The following ROBO2 variants were observed in gnomAD, a reference collection of about 807,000 sequenced individuals.
ROBO2 encodes the protein roundabout guidance receptor 2, also known as roundabout homolog 2.
In ROBO2, 53 loss-of-function variants were observed where a neutral mutation model predicts 160.8. That is an observed-to-expected ratio of 0.33 (90% CI 0.26 to 0.41). The LOEUF is 0.41. Among genes scored for constraint, ROBO2 ranks in the 10% least tolerant of loss-of-function variants. The pLI is 1.00. For missense variants in ROBO2, 1,577 were observed against 1,722.4 expected, an observed-to-expected ratio of 0.92 and a Z score of 1.49; for synonymous variants, 664 against 611.7, an observed-to-expected ratio of 1.09 and a Z score of -1.26.
At chr3:77,141,400 A>G (rs1192325325) in intron 2 of ROBO2, among the ~76,000 whole-genome samples, 1 of 151,990 alleles carries the variant, frequency 6.6e-6, no homozygotes, top group African/African-American at 2.4e-5. Context: ...CTTGAAGACC[A>G]TTGCTTTGCT....
At chr3:76,248,881 T>A (rs963665817) in intron 2 of ROBO2, among the ~76,000 whole-genome samples, 1 of 149,200 alleles carries the variant, frequency 6.7e-6, no homozygotes, top group Admixed American at 6.9e-5. Flanking sequence ...CTTACCTGAG[T>A]CTCTGCTGTT....
chr3:76,445,589 AAG>A (rs1362663389), intron 2 of ROBO2, among the ~76,000 whole-genome samples: 1 of 152,130 alleles, frequency 6.6e-6, no homozygotes, highest in Non-Finnish European at 1.5e-5. Flanking sequence ...ACAACGAAAA[AAG>A]AGAATTTTAG....
intron 2 of ROBO2, among the ~76,000 whole-genome samples, chr3:76,711,117 A>C (rs994421242): frequency 1.3e-5 from 2 of 152,180 alleles, no homozygotes; most frequent in African/African-American, 4.8e-5. Flanking sequence ...AATGCTATGT[A>C]AAACTACCCA....
At position 77,085,945 on chromosome 3, in the gene ROBO2, A is replaced by G. The variant is rs190687100; in HGVS notation, c.62-12069A>G. The stretch of plus-strand genomic sequence containing the variant: ...AGTCATGTTATTGTGCCCTCAATAA[A>G]GTTTATTTAATATCCCTTAGTTATC... On this transcript the variant is annotated intron_variant, in intron 1 of 25. Coordinates refer to ENST00000461745, the Ensembl canonical transcript of ROBO2. Among the ~76,000 whole-genome samples the G allele has an allele frequency of 2.2e-3, 328 of 152,236 alleles. 1 individual carries two copies. Among genetic ancestry groups the G allele is most frequent in the African/African-American group, 7.3e-3 (303 of 41,570 alleles).
intron 2 of ROBO2, among the ~76,000 whole-genome samples, chr3:77,232,847 G>A (rs535854331): frequency 9.2e-5 from 14 of 152,220 alleles, no homozygotes; most frequent in African/African-American, 3.4e-4. Flanking sequence ...CTAACATCTA[G>A]TGCAGTGCTC....
intron 2 of ROBO2, among the ~76,000 whole-genome samples, chr3:76,928,133 A>G (rs759405163): frequency 4.6e-5 from 7 of 152,112 alleles, no homozygotes; most frequent in Non-Finnish European, 8.8e-5. Context: ...GGAGAGGGAG[A>G]TAGAATACAG....
intron 2 of ROBO2, among the ~76,000 whole-genome samples, chr3:76,609,058 A>G (rs1160106497): frequency 1.3e-5 from 2 of 152,196 alleles, no homozygotes; most frequent in Non-Finnish European, 2.9e-5. Flanking sequence ...ATGCTACTTC[A>G]CTTAGATAAA....
At chr3:76,616,854 G>T (rs933477192) in intron 2 of ROBO2, among the ~76,000 whole-genome samples, 24 of 151,988 alleles carry the variant, frequency 1.6e-4, no homozygotes, top group African/African-American at 5.3e-4. Flanking sequence ...TCAAACTCCG[G>T]GGCCCAAGTG....
intron 2 of ROBO2, chr3:76,434,396 G>C (rs1164933910): frequency 1.3e-6 from 2 of 1,559,994 alleles, no homozygotes; most frequent in Non-Finnish European, 1.8e-6. Flanking sequence ...CCTGTCAGCT[G>C]TCAACGAAAG....
chr3:77,623,668 A>C (rs2094946422), intron 23 of ROBO2, among the ~76,000 whole-genome samples: 1 of 152,220 alleles, frequency 6.6e-6, no homozygotes. Context: ...GACAGAGCAC[A>C]AGTTAAAATC....
intron 21 of ROBO2, among the ~76,000 whole-genome samples, chr3:77,612,734 T>G (rs1264789778): frequency 6.6e-6 from 1 of 151,972 alleles, no homozygotes; most frequent in Non-Finnish European, 1.5e-5. Flanking sequence ...ATCACGAGGT[T>G]AGGAGATCGT....
intron 13 of ROBO2, among the ~76,000 whole-genome samples, chr3:77,573,848 C>A (rs538656271): frequency 2.0e-5 from 3 of 147,902 alleles, no homozygotes; most frequent in African/African-American, 7.4e-5. Context: ...TTTGTTTATG[C>A]TTTTTTTTTT....
chr3:77,151,830 T>A (rs1426791750), intron 2 of ROBO2, among the ~76,000 whole-genome samples: 4 of 152,226 alleles, frequency 2.6e-5, no homozygotes, highest in Non-Finnish European at 5.9e-5. Flanking sequence ...ATATCAGTTG[T>A]ACCTTTTCAT....
At chr3:77,563,035 C>T (rs1370402019) in intron 10 of ROBO2, 132 bp from the exon 12 acceptor site, 11 of 806,762 alleles carry the variant, frequency 1.4e-5, no homozygotes, top group Non-Finnish European at 2.1e-5. Flanking sequence ...CATTCACTTA[C>T]ATACTTCTGA....
chr3:76,840,645 T>TTATATA (rs3068959), intron 2 of ROBO2, among the ~76,000 whole-genome samples: 300 of 134,944 alleles, frequency 2.2e-3, no homozygotes, highest in African/African-American at 5.1e-3. Context: ...TAATTATATT[T>TTATATA]TATATATATA....
At chr3:77,247,356 G>A (rs886792675) in intron 2 of ROBO2, among the ~76,000 whole-genome samples, 4 of 152,270 alleles carry the variant, frequency 2.6e-5, no homozygotes, top group Admixed American at 6.5e-5. Flanking sequence ...TTTATGTGGC[G>A]AGGGAGAGGA....
At chr3:76,961,259 A>AAAC (rs1559767683) in intron 2 of ROBO2, among the ~76,000 whole-genome samples, 3 of 151,782 alleles carry the variant, frequency 2.0e-5, no homozygotes, top group African/African-American at 7.3e-5. Flanking sequence ...AAAAAAAAAA[A>AAAC]AAAAAAAAAC....
At chr3:76,465,336 T>C (rs1338322662) in intron 2 of ROBO2, among the ~76,000 whole-genome samples, 1 of 152,078 alleles carries the variant, frequency 6.6e-6, no homozygotes, top group East Asian at 1.9e-4. Context: ...ATTTGACCAA[T>C]TATAGAAGAA....
At chr3:76,394,778 A>C (rs567496274) in intron 2 of ROBO2, among the ~76,000 whole-genome samples, 2 of 152,142 alleles carry the variant, frequency 1.3e-5, no homozygotes, top group African/African-American at 2.4e-5. Flanking sequence ...AGAGCTAACT[A>C]TCCTAAATAT....
Sources: allele counts gnomAD v4.1 joint callset (sites outside exome capture counted in the v4.1 genomes callset), GRCh38; gene constraint gnomAD v4.1.1; transcripts MANE v1.5; gene names NCBI Gene and HGNC (gene_info 2026-07-23, HGNC 2026-07-21).